The following EHF variants were observed in gnomAD, a reference collection of about 807,000 sequenced individuals.
EHF encodes the protein ESE3 transcription factor.
Under a neutral mutation model 45.1 loss-of-function variants are expected in EHF, and 14 were observed. That is an observed-to-expected ratio of 0.31 (90% CI 0.21 to 0.49). EHF has a LOEUF of 0.49. Ranked by LOEUF, EHF falls within the 20% of genes least tolerant of loss-of-function variation. The pLI is 0.99. For missense variants in EHF, 282 were observed against 371.4 expected (o/e 0.76, Z 1.98); for synonymous variants, 136 against 131.8 (o/e 1.03, Z -0.22).
rs1167409987 is a variant in EHF, at chr11:34,626,754, T to C, written c.-4+5526T>C. On this transcript the variant is annotated intron_variant, in intron 1 of 8. Transcript: ENST00000257831. ...ATGTGTATCTGAAGGGGTAGGAGGC[T>C]AAGAGATTTTATGGCTTGGAAGCTG... Among the ~76,000 whole-genome samples the C allele has an allele frequency of 2.6e-5, 4 of 152,166 alleles. No individual in the cohort carries two copies. The East Asian group carries it at 5.8e-4, about 22-fold the overall frequency.
chr11:34,621,703 G>T (rs935117080), intron 1 of EHF, among the ~76,000 whole-genome samples: 4 of 152,208 alleles, frequency 2.6e-5, no homozygotes, highest in African/African-American at 9.6e-5. Flanking sequence ...AGGCCAATTT[G>T]TTTTTAATAT....
intron 6 of EHF, among the ~76,000 whole-genome samples, chr11:34,653,942 C>T (rs1855448718): frequency 6.6e-6 from 1 of 152,194 alleles, no homozygotes; most frequent in Admixed American, 6.5e-5. Flanking sequence ...CTGCCCATTT[C>T]ATAAAATGCC....
At chr11:34,651,887 G>A in intron 6 of EHF, 82 bp downstream of exon 6, 1 of 1,360,052 alleles carries the variant, frequency 7.4e-7, no homozygotes, top group Non-Finnish European at 1.0e-6. Context: ...CTACATTTCT[G>A]CCTTTCTGGA....
chr11:34,641,060 A>G (rs566554980), intron 1 of EHF, among the ~76,000 whole-genome samples: 1 of 152,158 alleles, frequency 6.6e-6, no homozygotes, highest in Non-Finnish European at 1.5e-5. Context: ...AATCGACCCC[A>G]GCTCTTCTGG....
At chr11:34,639,625 G>T (rs971513641) in intron 1 of EHF, among the ~76,000 whole-genome samples, 9 of 152,180 alleles carry the variant, frequency 5.9e-5, no homozygotes, top group Admixed American at 2.0e-4. Context: ...GCAGCTCCCT[G>T]CCCAGTTGGA....
chr11:34,628,162 T>A (rs1395081272), intron 1 of EHF, among the ~76,000 whole-genome samples: 1 of 152,024 alleles, frequency 6.6e-6, no homozygotes, highest in African/African-American at 2.4e-5. Flanking sequence ...CATTTGAACC[T>A]GGGAAGCAGA....
rs1234259461 is a variant in EHF, at chr11:34,644,476, T to C, written c.97+1749T>C. Among the ~76,000 whole-genome samples, 5 of 152,376 alleles carry C rather than the reference T, an allele frequency of 3.3e-5. No individual in the cohort carries two copies. In the South Asian group the frequency reaches 1.0e-3, roughly 32 times the overall value. ...AACCCCTGACTATTGGCTTCCTCTT[T>C]AGAGCCCACGTTGTGGGCCAGGGGC... On this transcript the variant is annotated intron_variant, in intron 2 of 8. Coordinates refer to ENST00000257831, the MANE Select transcript of EHF (RefSeq NM_012153.6).
chr11:34,631,297 G>T, intron 1 of EHF, among the ~76,000 whole-genome samples: 1 of 152,184 alleles, frequency 6.6e-6, no homozygotes, highest in East Asian at 1.9e-4. Flanking sequence ...CTCCCAAAGT[G>T]CTGGGATTAA....
intron 1 of EHF, chr11:34,622,203 A>ATT (rs886962831): frequency 1.4e-4 from 31 of 226,086 alleles, no homozygotes; most frequent in African/African-American, 6.7e-4. Context: ...AGAAAGCGAC[A>ATT]TTTTCACCGT....
chr11:34,651,690 G>T (rs767930242), intron 5 of EHF, 47 bp from the exon 6 acceptor site: 9 of 1,608,190 alleles, frequency 5.6e-6, no homozygotes, highest in South Asian at 4.4e-5. Flanking sequence ...ATTGTGAGGT[G>T]GGGGGAGGGG....
At chr11:34,626,382 G>A (rs1852377631) in intron 1 of EHF, among the ~76,000 whole-genome samples, 1 of 152,172 alleles carries the variant, frequency 6.6e-6, no homozygotes, top group Non-Finnish European at 1.5e-5. Flanking sequence ...TCATCTTGTG[G>A]AGGTTATTCC....
rs972083894 is a variant in EHF, at chr11:34,662,521, T to C, written c.*3590T>C. The stretch of plus-strand genomic sequence containing the variant: ...TATGAATATGTTAATATGATGTAAA[T>C]TGCTATTTAAGTGTAAAGCAGTTCT... On this transcript the variant is annotated 3_prime_UTR_variant, in exon 9 of 9. Transcript: ENST00000257831. 3.3e-5 allele frequency among the ~76,000 whole-genome samples: 5 copies of C among 152,116 alleles called. No individual in the cohort carries two copies. Among genetic ancestry groups the C allele is most frequent in the Non-Finnish European group, 7.4e-5 (5 of 68,002 alleles).
At position 34,657,057 on chromosome 11, in the gene EHF, C is replaced by T. The variant is rs1052383544; in HGVS notation, c.607+87C>T. 3.4e-6 allele frequency: 5 copies of T among 1,466,754 alleles called. No homozygotes were observed. The African/African-American group carries it at 4.2e-5, about 12-fold the overall frequency. 90.9% of individuals were successfully genotyped at this position (1,466,754 alleles called of 1,614,324 possible). ...GCCACTAGTTTTTTGGCAAATATCG[C>T]CTCTGTCTGCTGCCTTCATGTCTTC... On this transcript the variant is annotated intron_variant, in intron 7 of 8. Transcript: ENST00000257831.
chr11:34,651,455 T>C (rs748378210), intron 4 of EHF, 87 bp from the exon 5 acceptor site: 20 of 1,114,568 alleles, frequency 1.8e-5, no homozygotes, highest in East Asian at 2.4e-5. Context: ...CCCCATACTT[T>C]GTTGATGAAC....
Position 34,651,734 on chromosome 11 carries a change from C to T in EHF, c.476-3C>T, listed in dbSNP as rs774623207. 6.2e-7 allele frequency: 1 copy of T among 1,614,020 alleles called. No individual in the cohort carries two copies. Among genetic ancestry groups the T allele is most frequent in the Admixed American group, 1.7e-5 (1 of 60,014 alleles). ...AATGTCCTTTATCTTTTCATGGCCA[C>T]AGATTTGTTGGACAGCAAAACTTTC... On this transcript the variant is annotated splice_region_variant and splice_polypyrimidine_tract_variant and intron_variant, in intron 5 of 8. Coordinates refer to ENST00000257831, the MANE Select transcript of EHF (RefSeq NM_012153.6).
intron 6 of EHF, among the ~76,000 whole-genome samples, chr11:34,656,389 T>C (rs942057519): frequency 1.3e-5 from 2 of 149,932 alleles, no homozygotes; most frequent in Non-Finnish European, 3.0e-5. Flanking sequence ...ATTTTTCTAT[T>C]ATGCTAAAAA....
chr11:34,623,080 T>C (rs1013679074), intron 1 of EHF, among the ~76,000 whole-genome samples: 2 of 152,164 alleles, frequency 1.3e-5, no homozygotes, highest in African/African-American at 2.4e-5. Context: ...ATTTGTTCAA[T>C]TCAAACAATC....
intron 6 of EHF, among the ~76,000 whole-genome samples, chr11:34,652,857 G>A (rs1219520979): frequency 1.3e-5 from 2 of 152,162 alleles, no homozygotes; most frequent in Non-Finnish European, 2.9e-5. Context: ...AAATGCTTCT[G>A]GAATTGAGAT....
At chr11:34,642,759 C>A in intron 2 of EHF, 32 bp downstream of exon 2, 1 of 1,501,160 alleles carries the variant, frequency 6.7e-7, no homozygotes, top group South Asian at 1.1e-5. Flanking sequence ...GGTGTCACTG[C>A]TGTGCTGTGT....
Sources: allele counts gnomAD v4.1 joint callset (sites outside exome capture counted in the v4.1 genomes callset), GRCh38; gene constraint gnomAD v4.1.1; transcripts MANE v1.5; gene names NCBI Gene and HGNC (gene_info 2026-07-23, HGNC 2026-07-21).